The following COG4 variants were observed in gnomAD, a reference collection of about 807,000 sequenced individuals.
COG4 encodes component of oligomeric golgi complex 4.
A neutral mutation model predicts 95.1 loss-of-function variants in COG4; 65 were observed. The ratio of observed to expected loss-of-function variants is 0.68; its 90% CI spans 0.56 to 0.84. COG4 has a LOEUF of 0.84. COG4 is among the 40% of genes least tolerant of loss of function. COG4 has a pLI of 0.00. For synonymous variants in COG4, 421 were observed against 374.8 expected (o/e 1.12, Z -1.42); for missense variants, 1,045 against 989.1 (o/e 1.06, Z -0.76).
chr16:70,506,540 G>A (rs76884242), intron 8 of COG4, among the ~76,000 whole-genome samples: 1 of 128,914 alleles, frequency 7.8e-6, no homozygotes, highest in Non-Finnish European at 1.6e-5. Context: ...TTGGTGAGTC[G>A]ATATCACACC....
chr16:70,491,106 G>C (rs2049234756), intron 12 of COG4, among the ~76,000 whole-genome samples: 1 of 152,166 alleles, frequency 6.6e-6, no homozygotes, highest in Non-Finnish European at 1.5e-5. Context: ...CTTCCAGAGA[G>C]CCTGCCACCT....
intron 8 of COG4, among the ~76,000 whole-genome samples, chr16:70,503,023 C>T (rs1472616334): frequency 6.6e-6 from 1 of 152,134 alleles, no homozygotes; most frequent in African/African-American, 2.4e-5. Context: ...ACTTCCTTTG[C>T]ACACTGAAGT....
intron 3 of COG4, among the ~76,000 whole-genome samples, chr16:70,516,498 G>T (rs1164006962): frequency 6.6e-6 from 1 of 151,938 alleles, no homozygotes; most frequent in Non-Finnish European, 1.5e-5. Context: ...GGGTTTCACG[G>T]TGTTAGCCAG....
In COG4 at chr16:70,519,374, G is replaced by A. The variant is rs564193059; in HGVS notation, c.254+275C>T. The stretch of plus-strand genomic sequence containing the variant: ...GATCTCCTGACCTCATGATCCGCCC[G>A]CCTCGGCCTCCCAAAGTGCTGGGAT... On this transcript the variant is annotated intron_variant, in intron 2 of 18. Coordinates refer to ENST00000323786, the MANE Select transcript of COG4 (RefSeq NM_015386.3). 1.4e-4 allele frequency among the ~76,000 whole-genome samples: 5 copies of A among 35,088 alleles called. 1 individual carries two copies. Among genetic ancestry groups the A allele is most frequent in the East Asian group, 1.1e-3 (1 of 936 alleles). The allele number at this position is 35,088 out of a possible 152,430, so 23.0% of individuals were successfully genotyped here.
intron 1 of COG4, among the ~76,000 whole-genome samples, chr16:70,522,515 C>T (rs2049970495): frequency 6.6e-6 from 1 of 152,176 alleles, no homozygotes; most frequent in Non-Finnish European, 1.5e-5. Context: ...TCAGAAACTG[C>T]TAGAGTTAGT....
chr16:70,497,185 T>C, intron 11 of COG4, 36 bp downstream of exon 11: 3 of 1,609,586 alleles, frequency 1.9e-6, no homozygotes, highest in Non-Finnish European at 2.6e-6. Context: ...AGGAAGGGCC[T>C]TTCTGCCTAG....
At chr16:70,501,316 G>T in intron 8 of COG4, 1 of 568,310 alleles carries the variant, frequency 1.8e-6, no homozygotes, top group Non-Finnish European at 3.1e-6. Context: ...CTAAAATTCT[G>T]CCAGACCTAA....
At position 70,497,275 on chromosome 16, in the gene COG4, T is replaced by A; in HGVS notation, c.1427A>T (p.Asp476Val). The A allele has an allele frequency of 6.2e-7, 1 of 1,614,114 alleles. No homozygotes were observed. The highest frequency in any genetic ancestry group is 8.5e-7 in the Non-Finnish European group (1 of 1,180,022). ...IGRALSSSSI[D>V]CLCAMINLAT... ...GAGGTTGATCATGGCACAGAGACAGTCAATGCTGGAGCTGGACAGAGCCCG... is the reference window on the plus strand; with the variant it reads ...GAGGTTGATCATGGCACAGAGACAGACAATGCTGGAGCTGGACAGAGCCCG... The change falls in exon 11 of 19, where the codon GAC becomes GTC. Residue 476 changes from aspartate (D) to valine (V), a missense_variant. Transcript: ENST00000323786.
In COG4 at chr16:70,481,800, C is replaced by T; in HGVS notation, c.2070G>A (p.Glu690=). The part of the protein sequence containing the change: ...TGLMTSLVAV[E]LEKVVLKSTF... ...TGGATTTCAGCACCACTTTCTCCAACTCGACGGCAACAAGGCTAGTCATGA... is the reference window on the plus strand; with the variant it reads ...TGGATTTCAGCACCACTTTCTCCAATTCGACGGCAACAAGGCTAGTCATGA... Residue 690 remains glutamate, a synonymous_variant, in exon 17 of 19, where the codon GAG becomes GAA. Coordinates refer to ENST00000323786, the MANE Select transcript of COG4 (RefSeq NM_015386.3). 2 of 1,614,120 alleles carry T rather than the reference C, an allele frequency of 1.2e-6. No homozygotes were observed. Among genetic ancestry groups the T allele is most frequent in the Non-Finnish European group, 1.7e-6 (2 of 1,180,028 alleles).
intron 3 of COG4, among the ~76,000 whole-genome samples, chr16:70,516,301 ATT>A (rs530207617): frequency 3.5e-5 from 5 of 143,824 alleles, no homozygotes; most frequent in South Asian, 2.2e-4. Context: ...GTTGAGTTAA[ATT>A]TTTTTTTTTT....
At position 70,509,411 on chromosome 16, in the gene COG4, G is replaced by A. The variant is rs199646656; in HGVS notation, c.845-23C>T. 68 of 1,613,838 alleles carry A rather than the reference G, an allele frequency of 4.2e-5. 2 individuals carry two copies. In the South Asian group the frequency reaches 6.8e-4, roughly 16 times the overall value. On this transcript the variant is annotated intron_variant, in intron 6 of 18. Coordinates refer to ENST00000323786, the MANE Select transcript of COG4 (RefSeq NM_015386.3). ...TCCCTAGAAGGGAGGAAGCAATAGG[G>A]TTATATTCCAAGTATTCTTCCTACA...
rs1414251111 is a variant in COG4, at chr16:70,482,083, C to T, written c.2004+9G>A. 3.7e-6 allele frequency: 6 copies of T among 1,610,188 alleles called. No individual in the cohort carries two copies. The highest frequency in any genetic ancestry group is 1.7e-5 in the Admixed American group (1 of 59,982). On this transcript the variant is annotated intron_variant, in intron 16 of 18. Transcript: ENST00000323786. ...ATTCCCTAAGTGGATCCCTAGGGCC[C>T]CTGCTCACCTTGAACTCTGCCATTT...
In COG4 at chr16:70,481,329, C is replaced by G. The variant is rs767301613; in HGVS notation, c.2235+30G>C. On this transcript the variant is annotated intron_variant, in intron 18 of 18. Coordinates refer to ENST00000323786, the MANE Select transcript of COG4 (RefSeq NM_015386.3). ...ATCTTTGCCTCTTTCAGTCACCCCT[C>G]CCTGGCTGGGCCAAGGGTGCCCCAC... The G allele has an allele frequency of 4.3e-6, 7 of 1,610,794 alleles. No individual in the cohort carries two copies. In the African/African-American group the frequency reaches 9.3e-5, roughly 22 times the overall value.
intron 2 of COG4, among the ~76,000 whole-genome samples, chr16:70,517,949 T>TG (rs2049859372): frequency 6.6e-6 from 1 of 152,056 alleles, no homozygotes; most frequent in African/African-American, 2.4e-5. Context: ...TTTTTTTTTT[T>TG]GAGACGGAGT....
At chr16:70,486,354 T>C (rs1487636904) in intron 13 of COG4, among the ~76,000 whole-genome samples, 1 of 152,046 alleles carries the variant, frequency 6.6e-6, no homozygotes, top group Non-Finnish European at 1.5e-5. Flanking sequence ...GGAAGCAGAG[T>C]GGAAGAACTA....
chr16:70,518,619 C>G (rs2049873001), intron 2 of COG4, among the ~76,000 whole-genome samples: 1 of 152,072 alleles, frequency 6.6e-6, no homozygotes, highest in Non-Finnish European at 1.5e-5. Flanking sequence ...GAATTACAAG[C>G]ATGAGCCACT....
At chr16:70,492,169 G>A (rs1445275252) in intron 12 of COG4, among the ~76,000 whole-genome samples, 1 of 152,130 alleles carries the variant, frequency 6.6e-6, no homozygotes, top group Non-Finnish European at 1.5e-5. Flanking sequence ...TGGCCACCTG[G>A]GGAGGGCATG....
At chr16:70,496,455 G>T in intron 11 of COG4, 24 bp from the exon 12 acceptor site, 1 of 1,613,604 alleles carries the variant, frequency 6.2e-7, no homozygotes, top group Non-Finnish European at 8.5e-7. Flanking sequence ...TTGCATAGAG[G>T]AATTGACAGT....
intron 13 of COG4, among the ~76,000 whole-genome samples, chr16:70,489,964 T>C (rs1404406280): frequency 1.3e-5 from 2 of 152,078 alleles, no homozygotes; most frequent in African/African-American, 4.8e-5. Flanking sequence ...ATTACAGGTG[T>C]CTGCCACCAT....
Sources: gnomAD v4.1 joint callset for allele counts (sites outside exome capture counted in the v4.1 genomes callset) on GRCh38, gnomAD v4.1.1 for gene constraint, MANE v1.5 for transcripts, NCBI Gene and HGNC (gene_info 2026-07-23, HGNC 2026-07-21) for gene names.